The following ESYT2 variants were observed in gnomAD, a reference collection of about 807,000 sequenced individuals.
ESYT2 encodes extended synaptotagmin 2, also known as extended synaptotagmin-2.
A neutral mutation model predicts 107.2 loss-of-function variants in ESYT2; 54 were observed. That is an observed-to-expected ratio of 0.50 (90% CI 0.40 to 0.63). The LOEUF (loss-of-function observed/expected upper bound fraction) is 0.63, where lower values mean the gene tolerates loss of function less well. ESYT2 is among the 30% of genes least tolerant of loss of function. The probability of loss-of-function intolerance (pLI) is 0.00; values close to 1 mark genes in which losing one functional copy is unlikely to be tolerated. For missense variants in ESYT2, 1,020 were observed against 1,094.5 expected, an observed-to-expected ratio of 0.93 and a Z score of 0.96; for synonymous variants, 491 against 434.1, an observed-to-expected ratio of 1.13 and a Z score of -1.63.
At chr7:158,770,054 C>T (rs969724069) in intron 7 of ESYT2, among the ~76,000 whole-genome samples, 1 of 151,876 alleles carries the variant, frequency 6.6e-6, no homozygotes, top group African/African-American at 2.4e-5. Context: ...CCACGCCCAA[C>T]TAATTTTTGT....
At chr7:158,774,530 T>C (rs184863518) in intron 6 of ESYT2, among the ~76,000 whole-genome samples, 2 of 152,296 alleles carry the variant, frequency 1.3e-5, no homozygotes, top group East Asian at 3.9e-4. Flanking sequence ...CATATGAATA[T>C]ATTTATAAAC....
At chr7:158,761,613 A>G in intron 10 of ESYT2, 69 bp from the exon 11 acceptor site, 1 of 1,395,294 alleles carries the variant, frequency 7.2e-7, no homozygotes, top group Non-Finnish European at 1.0e-6. Flanking sequence ...ACTTTAAAAC[A>G]TAGAAAACAC....
At chr7:158,735,482 G>A (rs755928004) in intron 21 of ESYT2, 21 bp downstream of exon 21, 4 of 1,592,944 alleles carry the variant, frequency 2.5e-6, no homozygotes, top group Non-Finnish European at 1.7e-6. Flanking sequence ...GGAACTGGTT[G>A]AGGATTCGTT....
intron 6 of ESYT2, among the ~76,000 whole-genome samples, chr7:158,779,126 G>A (rs1838679797): frequency 6.6e-6 from 1 of 152,136 alleles, no homozygotes; most frequent in Non-Finnish European, 1.5e-5. Context: ...CTTCCTTAAG[G>A]CTATCTAGAA....
At chr7:158,785,585 A>C (rs1025505041) in intron 6 of ESYT2, among the ~76,000 whole-genome samples, 5 of 152,214 alleles carry the variant, frequency 3.3e-5, no homozygotes, top group Non-Finnish European at 5.9e-5. Context: ...TTCATTTGGC[A>C]TTTAATTTTC....
At chr7:158,790,241 A>G (rs190332871) in intron 4 of ESYT2, among the ~76,000 whole-genome samples, 11 of 152,338 alleles carry the variant, frequency 7.2e-5, no homozygotes, top group Admixed American at 6.5e-4. Context: ...AACTTTGTAC[A>G]TTCACTATAT....
intron 6 of ESYT2, among the ~76,000 whole-genome samples, chr7:158,781,505 G>A (rs1438256439): frequency 1.3e-5 from 2 of 150,564 alleles, no homozygotes; most frequent in African/African-American, 2.4e-5. Flanking sequence ...ACGAGTGAAC[G>A]TGTGAGAACA....
At chr7:158,747,354 T>G (rs1837439446) in intron 16 of ESYT2, among the ~76,000 whole-genome samples, 1 of 148,568 alleles carries the variant, frequency 6.7e-6, no homozygotes, top group Non-Finnish European at 1.5e-5. Flanking sequence ...TCAGAAAGAA[T>G]GAAACATTAA....
chr7:158,809,629 G>A (rs894740730), intron 1 of ESYT2, among the ~76,000 whole-genome samples: 2 of 152,160 alleles, frequency 1.3e-5, no homozygotes, highest in Non-Finnish European at 2.9e-5. Context: ...ATCACAATGA[G>A]GTATCACTTC....
intron 6 of ESYT2, among the ~76,000 whole-genome samples, chr7:158,779,190 T>G (rs552269814): frequency 1.3e-5 from 2 of 152,124 alleles, no homozygotes; most frequent in Non-Finnish European, 2.9e-5. Flanking sequence ...GCATCAAACA[T>G]AGGAAGAAGT....
In ESYT2 at chr7:158,793,673, T is replaced by C. The variant is rs1309489671; in HGVS notation, c.561A>G (p.Gln187=). 7 of 1,613,048 alleles carry C rather than the reference T, an allele frequency of 4.3e-6. No individual in the cohort carries two copies. The highest frequency in any genetic ancestry group is 4.5e-5 in the East Asian group (2 of 44,874). The change falls in exon 4 of 23, where the codon CAA becomes CAG. Residue 187 remains glutamine, a synonymous_variant. Transcript: ENST00000275418. ...ACCTAATCTGAAGGTCCAAAATAAT[T>C]TGCCTTTTGTCTACATTTTCAGTGT... is the stretch of plus-strand genomic sequence containing the variant. ...KVYTENVDKR[Q]IILDLQISFV... is the part of the protein sequence containing the mutation.
At position 158,799,186 on chromosome 7, in the gene ESYT2, T is replaced by TA. The variant is rs1839560549; in HGVS notation, c.331-115dup. 7.0e-5 allele frequency: 64 copies of TA among 909,126 alleles called. No individual in the cohort carries two copies. In the South Asian group the frequency reaches 9.7e-4, roughly 14 times the overall value. 56.3% of individuals were successfully genotyped at this position (909,126 alleles called of 1,614,324 possible). On this transcript the variant is annotated intron_variant, in intron 1 of 22. Transcript: ENST00000275418. Reference sequence around the variant, plus strand: ...GTCCTATGTTTACAAGATGCTTCTTTAAAACACTCTGCTCTAAAGCTTGGG... The same window carrying TA: ...GTCCTATGTTTACAAGATGCTTCTTTAAAAACACTCTGCTCTAAAGCTTGGG...
chr7:158,778,242 G>A (rs1199378433), intron 6 of ESYT2, among the ~76,000 whole-genome samples: 1 of 152,056 alleles, frequency 6.6e-6, no homozygotes, highest in Non-Finnish European at 1.5e-5. Flanking sequence ...CTACAACATG[G>A]AATACCTGAA....
chr7:158,756,982 A>G (rs1414215301), intron 13 of ESYT2, among the ~76,000 whole-genome samples: 1 of 152,128 alleles, frequency 6.6e-6, no homozygotes, highest in African/African-American at 2.4e-5. Context: ...ACTTTACAAA[A>G]AAATTTACAT....
At chr7:158,780,079 A>G (rs1205572475) in intron 6 of ESYT2, among the ~76,000 whole-genome samples, 1 of 152,098 alleles carries the variant, frequency 6.6e-6, no homozygotes, top group African/African-American at 2.4e-5. Context: ...CAAAGTTTCT[A>G]AACTTTAAAG....
intron 1 of ESYT2, among the ~76,000 whole-genome samples, chr7:158,807,999 G>A (rs1341360596): frequency 6.6e-6 from 1 of 152,128 alleles, no homozygotes; most frequent in Non-Finnish European, 1.5e-5. Context: ...CAGAGAGCAG[G>A]CCCCACAGCT....
At chr7:158,760,274 G>T in intron 11 of ESYT2, 127 bp from the exon 12 acceptor site, 1 of 782,130 alleles carries the variant, frequency 1.3e-6, no homozygotes, top group South Asian at 1.6e-5. Flanking sequence ...TCAGTAACGC[G>T]AAGGCTGAGC....
At chr7:158,809,561 G>A (rs1584878211) in intron 1 of ESYT2, among the ~76,000 whole-genome samples, 1 of 150,706 alleles carries the variant, frequency 6.6e-6, no homozygotes, top group Non-Finnish European at 1.5e-5. Flanking sequence ...ATATAAAAAT[G>A]GCCAAGAAGC....
rs1839376881 is a variant in ESYT2, at chr7:158,793,723, G to A, written c.511C>T (p.Leu171Phe). Residue 171 changes from leucine (L) to phenylalanine (F), a missense_variant, in exon 4 of 23, where the codon CTC becomes TTC. By Grantham distance (22) the Leu-to-Phe change is conservative. Coordinates refer to ENST00000275418, the MANE Select transcript of ESYT2 (RefSeq NM_001367773.1). ...FTKVDVGQQP[L>F]RINGVKVYTE... ...TATACCTTAACACCATTGATCCTGA[G>A]GGGCTGAAATAAGAAGTAGCTTATT... 1 of 1,612,222 alleles carries A rather than the reference G, an allele frequency of 6.2e-7. No individual in the cohort carries two copies. Among genetic ancestry groups the A allele is most frequent in the African/African-American group, 1.3e-5 (1 of 74,846 alleles).
Sources: gnomAD v4.1 joint callset for allele counts (sites outside exome capture counted in the v4.1 genomes callset) on GRCh38, gnomAD v4.1.1 for gene constraint, MANE v1.5 for transcripts, NCBI Gene and HGNC (gene_info 2026-07-23, HGNC 2026-07-21) for gene names.